The following BRINP3 variants were observed in gnomAD, a reference collection of about 807,000 sequenced individuals.
BRINP3 encodes the protein BMP/retinoic acid inducible neural specific 3.
BRINP3 carries 19 observed loss-of-function variants against 71.0 expected under a neutral mutation model. The observed-to-expected ratio is 0.27, with a 90% CI of 0.19 to 0.39. The LOEUF (loss-of-function observed/expected upper bound fraction) is 0.39, where lower values mean the gene tolerates loss of function less well. BRINP3 is among the 10% of genes least tolerant of loss of function. BRINP3 has a pLI of 1.00. For synonymous variants in BRINP3, 380 were observed against 337.7 expected (o/e 1.13, Z -1.37); for missense variants, 959 against 940.8 (o/e 1.02, Z -0.25).
At chr1:190,268,352 G>A (rs1661827395) in intron 3 of BRINP3, among the ~76,000 whole-genome samples, 2 of 152,132 alleles carry the variant, frequency 1.3e-5, no homozygotes, top group Non-Finnish European at 2.9e-5. Flanking sequence ...TCCCACCTCA[G>A]CCTCCCAAAG....
rs75863164 is a variant in BRINP3, at chr1:190,212,862, C to T, written c.961+13220G>A. Among the ~76,000 whole-genome samples, 755 of 151,988 alleles carry T rather than the reference C, an allele frequency of 5.0e-3. 2 individuals are homozygous for T. The highest frequency in any genetic ancestry group is 7.7e-3 in the Non-Finnish European group (521 of 67,956). ...GACTCCAGCTAACCTGTGGTGGGCA[C>T]GTAATGTGAGCTAGAAATGACATTT... On this transcript the variant is annotated intron_variant, in intron 6 of 7. Coordinates refer to ENST00000367462, the MANE Select transcript of BRINP3 (RefSeq NM_199051.3).
At chr1:190,433,261 A>G (rs1393429768) in intron 2 of BRINP3, among the ~76,000 whole-genome samples, 1 of 152,190 alleles carries the variant, frequency 6.6e-6, no homozygotes, top group African/African-American at 2.4e-5. Context: ...CCTTTTAAGA[A>G]GTATACAGAT....
At chr1:190,424,283 T>C (rs1214956040) in intron 2 of BRINP3, among the ~76,000 whole-genome samples, 2 of 151,632 alleles carry the variant, frequency 1.3e-5, no homozygotes, top group Admixed American at 6.6e-5. Context: ...GCATAAAATA[T>C]ACAAATGGTT....
intron 7 of BRINP3, among the ~76,000 whole-genome samples, chr1:190,115,129 C>T (rs1410401398): frequency 1.3e-5 from 2 of 151,698 alleles, no homozygotes; most frequent in Non-Finnish European, 2.9e-5. Flanking sequence ...GGTCATAGTC[C>T]CCATGTACTC....
intron 2 of BRINP3, among the ~76,000 whole-genome samples, chr1:190,336,872 C>G (rs866081881): frequency 7.2e-6 from 1 of 138,020 alleles, no homozygotes; most frequent in African/African-American, 2.7e-5. Context: ...CCTTCCTTCC[C>G]TCCTTCCTTC....
chr1:190,371,539 G>T (rs1336893761), intron 2 of BRINP3, among the ~76,000 whole-genome samples: 1 of 152,082 alleles, frequency 6.6e-6, no homozygotes, highest in South Asian at 2.1e-4. Flanking sequence ...CACTGCTTCT[G>T]TTTTTATGCC....
At chr1:190,215,726 G>A (rs1656354838) in intron 6 of BRINP3, among the ~76,000 whole-genome samples, 1 of 151,788 alleles carries the variant, frequency 6.6e-6, no homozygotes, top group Non-Finnish European at 1.5e-5. Flanking sequence ...CTAGATGATT[G>A]CCAATACAAG....
rs745819844 is a variant in BRINP3, at chr1:190,453,201, G to GTTTTTTT, written c.236+1453_236+1454insAAAAAAA. On this transcript the variant is annotated intron_variant, in intron 2 of 7. Transcript: ENST00000367462. ...CTACTTTTCAGAAAGAAAAACTTTA[G>GTTTTTTT]TATTTTTTTTTTTTTTTTTTTTTTT... Among the ~76,000 whole-genome samples the GTTTTTTT allele has an allele frequency of 7.7e-3, 293 of 37,842 alleles. 13 individuals are homozygous for GTTTTTTT. Among genetic ancestry groups the GTTTTTTT allele is most frequent in the Middle Eastern group, 0.023 (1 of 44 alleles). 24.8% of individuals were successfully genotyped at this position (37,842 alleles called of 152,430 possible).
chr1:190,409,042 G>A (rs1423196668), intron 2 of BRINP3, among the ~76,000 whole-genome samples: 1 of 152,138 alleles, frequency 6.6e-6, no homozygotes, highest in African/African-American at 2.4e-5. Flanking sequence ...ATAATGCATA[G>A]GACAGCCATC....
At chr1:190,476,048 G>A (rs1256796681) in intron 1 of BRINP3, 1 of 151,386 alleles carries the variant, frequency 6.6e-6, no homozygotes, top group African/African-American at 2.4e-5. Context: ...CAAGTGGTGC[G>A]GACCACAGTC....
At chr1:190,384,149 T>C (rs931561715) in intron 2 of BRINP3, among the ~76,000 whole-genome samples, 2 of 150,640 alleles carry the variant, frequency 1.3e-5, no homozygotes, top group African/African-American at 4.8e-5. Context: ...CACAAATGTT[T>C]TTTTTTTCAT....
chr1:190,160,371 G>T (rs970003913), intron 7 of BRINP3, among the ~76,000 whole-genome samples: 2 of 151,684 alleles, frequency 1.3e-5, no homozygotes, highest in East Asian at 3.9e-4. Context: ...GTGCTTTTCT[G>T]CTCACTGTAA....
intron 2 of BRINP3, among the ~76,000 whole-genome samples, chr1:190,289,663 A>G (rs954911255): frequency 6.6e-6 from 1 of 151,972 alleles, no homozygotes; most frequent in Non-Finnish European, 1.5e-5. Context: ...TACAAATTGA[A>G]ACTTGTTATC....
chr1:190,250,085 A>T (rs924377088), intron 4 of BRINP3, among the ~76,000 whole-genome samples: 1 of 151,930 alleles, frequency 6.6e-6, no homozygotes, highest in Non-Finnish European at 1.5e-5. Context: ...AAAATGTAAA[A>T]GTAATTTAAC....
At chr1:190,405,557 T>C (rs1164605849) in intron 2 of BRINP3, among the ~76,000 whole-genome samples, 1 of 148,082 alleles carries the variant, frequency 6.8e-6, no homozygotes, top group African/African-American at 2.5e-5. Flanking sequence ...TTGAGCTCTG[T>C]TGATGCTGCA....
chr1:190,314,757 G>A (rs1665766854), intron 2 of BRINP3, among the ~76,000 whole-genome samples: 1 of 152,122 alleles, frequency 6.6e-6, no homozygotes, highest in Admixed American at 6.6e-5. Context: ...GTGGTAATTT[G>A]TTAGTACAGC....
At chr1:190,148,446 A>T (rs927411083) in intron 7 of BRINP3, among the ~76,000 whole-genome samples, 2 of 151,652 alleles carry the variant, frequency 1.3e-5, no homozygotes, top group Non-Finnish European at 2.9e-5. Context: ...ACAAAAAAAA[A>T]CTAGCCGGGC....
chr1:190,334,290 T>C (rs1667148880), intron 2 of BRINP3, among the ~76,000 whole-genome samples: 1 of 151,868 alleles, frequency 6.6e-6, no homozygotes, highest in African/African-American at 2.4e-5. Context: ...AACACTCTTG[T>C]CCATTTGAGT....
chr1:190,417,105 G>A (rs1266014924), intron 2 of BRINP3, among the ~76,000 whole-genome samples: 1 of 152,032 alleles, frequency 6.6e-6, no homozygotes, highest in Non-Finnish European at 1.5e-5. Flanking sequence ...GAATGCCCTA[G>A]ATTCAAATGG....
Sources: gnomAD v4.1 joint callset for allele counts (sites outside exome capture counted in the v4.1 genomes callset) on GRCh38, gnomAD v4.1.1 for gene constraint, MANE v1.5 for transcripts, NCBI Gene and HGNC (gene_info 2026-07-23, HGNC 2026-07-21) for gene names.